B3GALT1: variants seen among roughly 807,000 people sequenced by gnomAD.
The protein encoded by B3GALT1 is UDP-Gal:betaGlcNAc beta 1,3-galactosyltransferase, polypeptide 1.
Under a neutral mutation model 23.2 loss-of-function variants are expected in B3GALT1, and 10 were observed. The ratio of observed to expected loss-of-function variants is 0.43; its 90% CI spans 0.27 to 0.73. The LOEUF is 0.73. B3GALT1 is among the 30% of genes least tolerant of loss of function. The pLI is 0.21. For synonymous variants in B3GALT1, 156 were observed against 141.5 expected, an observed-to-expected ratio of 1.10 and a Z score of -0.73; for missense variants, 299 against 405.4, an observed-to-expected ratio of 0.74 and a Z score of 2.25.
At chr2:167,823,739 C>CCAAA (rs1689156143) in intron 4 of B3GALT1, among the ~76,000 whole-genome samples, 1 of 152,190 alleles carries the variant, frequency 6.6e-6, no homozygotes, top group Non-Finnish European at 1.5e-5. Flanking sequence ...AGTGGGGGAA[C>CCAAA]CAAATATCCA....
intron 3 of B3GALT1, among the ~76,000 whole-genome samples, chr2:167,666,528 CT>C (rs1315211705): frequency 6.6e-6 from 1 of 151,372 alleles, no homozygotes; most frequent in African/African-American, 2.4e-5. Flanking sequence ...TCTTGTTGAT[CT>C]GTCTAATGTT....
At chr2:167,642,365 A>C (rs1283833624) in intron 2 of B3GALT1, among the ~76,000 whole-genome samples, 1 of 152,204 alleles carries the variant, frequency 6.6e-6, no homozygotes, top group African/African-American at 2.4e-5. Context: ...AAAAGTAAAA[A>C]TTTTGGACTA....
intron 4 of B3GALT1, among the ~76,000 whole-genome samples, chr2:167,826,825 G>A (rs191977610): frequency 2.0e-4 from 31 of 152,302 alleles, no homozygotes; most frequent in African/African-American, 7.5e-4. Context: ...CATTTACATT[G>A]TATTAGGTAT....
chr2:167,453,037 A>G (rs1574085529), intron 1 of B3GALT1, among the ~76,000 whole-genome samples: 2 of 152,238 alleles, frequency 1.3e-5, no homozygotes, highest in South Asian at 4.1e-4. Context: ...AATGCCAAGT[A>G]AAGTATATAT....
At chr2:167,522,336 T>C (rs1449096835) in intron 2 of B3GALT1, among the ~76,000 whole-genome samples, 2 of 152,150 alleles carry the variant, frequency 1.3e-5, no homozygotes, top group East Asian at 1.9e-4. Context: ...GGTTTGCCTC[T>C]TCTTCTCCCA....
chr2:167,698,047 T>C (rs1285495745), intron 3 of B3GALT1, among the ~76,000 whole-genome samples: 3 of 152,234 alleles, frequency 2.0e-5, no homozygotes, highest in Non-Finnish European at 4.4e-5. Context: ...ACTTCATAAC[T>C]GTGAATTTTA....
At chr2:167,654,018 G>C (rs1685910270) in intron 3 of B3GALT1, among the ~76,000 whole-genome samples, 1 of 152,178 alleles carries the variant, frequency 6.6e-6, no homozygotes, top group Non-Finnish European at 1.5e-5. Flanking sequence ...TGCCAACCTG[G>C]CTACCTGAAT....
intron 2 of B3GALT1, among the ~76,000 whole-genome samples, chr2:167,579,374 TA>T (rs78065111): frequency 0.053 from 7,976 of 151,066 alleles, 526 homozygotes; most frequent in African/African-American, 0.15. Context: ...TTCTCAATTC[TA>T]ACTACACATT....
At chr2:167,762,513 C>T (rs1220839063) in intron 3 of B3GALT1, among the ~76,000 whole-genome samples, 3 of 149,034 alleles carry the variant, frequency 2.0e-5, no homozygotes, top group African/African-American at 7.4e-5. Flanking sequence ...CCTTAGGAGT[C>T]TTAAGATACC....
intron 4 of B3GALT1, among the ~76,000 whole-genome samples, chr2:167,867,174 C>T (rs549024928): frequency 6.6e-6 from 1 of 152,212 alleles, no homozygotes; most frequent in Non-Finnish European, 1.5e-5. Flanking sequence ...GATCCGCCCC[C>T]CTTGGCCTCC....
chr2:167,353,569 A>G (rs1451085577), intron 1 of B3GALT1, among the ~76,000 whole-genome samples: 1 of 152,116 alleles, frequency 6.6e-6, no homozygotes, highest in East Asian at 1.9e-4. Flanking sequence ...TATTTATTCA[A>G]TGTATATACA....
chr2:167,458,130 C>G (rs1350829167), intron 1 of B3GALT1, among the ~76,000 whole-genome samples: 1 of 152,146 alleles, frequency 6.6e-6, no homozygotes, highest in Admixed American at 6.6e-5. Context: ...ATTTCCCCTT[C>G]TCCTCAGCCC....
intron 3 of B3GALT1, among the ~76,000 whole-genome samples, chr2:167,689,704 C>CAT (rs1686679557): frequency 6.6e-6 from 1 of 152,034 alleles, no homozygotes; most frequent in African/African-American, 2.4e-5. Context: ...GCGAGACAGG[C>CAT]ATATGATCAC....
intron 3 of B3GALT1, among the ~76,000 whole-genome samples, chr2:167,806,211 G>C (rs1045810671): frequency 6.6e-6 from 1 of 152,198 alleles, no homozygotes; most frequent in South Asian, 2.1e-4. Context: ...TTGCCCATCA[G>C]CTTAAGGAGA....
Position 167,309,174 on chromosome 2 carries a change from G to C in B3GALT1, c.-511+15840G>C, listed in dbSNP as rs143036911. 5.7e-3 allele frequency among the ~76,000 whole-genome samples: 870 copies of C among 152,012 alleles called. 8 individuals carry two copies. The highest frequency in any genetic ancestry group is 0.023 in the South Asian group (112 of 4,822). On this transcript the variant is annotated intron_variant, in intron 1 of 4. Coordinates refer to ENST00000392690, the MANE Select transcript of B3GALT1 (RefSeq NM_020981.4). ...CAGCAGAGACTGTTAAAAGTAACTT[G>C]GTCTATATTTGGTGCTAGATGCTCT...
At chr2:167,681,349 C>T (rs1485266467) in intron 3 of B3GALT1, among the ~76,000 whole-genome samples, 2 of 151,966 alleles carry the variant, frequency 1.3e-5, no homozygotes, top group Non-Finnish European at 2.9e-5. Flanking sequence ...CTGTGAAATA[C>T]CTCCCCATCC....
rs141116026 is a variant in B3GALT1 at position 167,588,107 on chromosome 2, C to T, written c.-409-58802C>T. Among the ~76,000 whole-genome samples, 604 of 152,262 alleles carry T rather than the reference C, an allele frequency of 4.0e-3. 1 individual carries two copies. The highest frequency in any genetic ancestry group is 0.017 in the Middle Eastern group (5 of 294). On this transcript the variant is annotated intron_variant, in intron 2 of 4. Transcript: ENST00000392690. ...TTTAAACAGGTGTTGCTCTTCTTGG[C>T]TGCCGTGTATGAAATGTGTTCAGGA... is the stretch of plus-strand genomic sequence containing the variant.
chr2:167,769,639 A>G (rs1688038300), intron 3 of B3GALT1, among the ~76,000 whole-genome samples: 1 of 152,180 alleles, frequency 6.6e-6, no homozygotes, highest in South Asian at 2.1e-4. Flanking sequence ...TTTCCAGAAT[A>G]TCATATAAAT....
intron 2 of B3GALT1, among the ~76,000 whole-genome samples, chr2:167,569,802 G>A (rs59176503): frequency 0.01 from 1,556 of 151,956 alleles, 22 homozygotes; most frequent in African/African-American, 0.035. Flanking sequence ...TAAGGTTTAT[G>A]TAGATATTCT....
Sources: gnomAD v4.1 joint callset for allele counts (sites outside exome capture counted in the v4.1 genomes callset) on GRCh38, gnomAD v4.1.1 for gene constraint, MANE v1.5 for transcripts, NCBI Gene and HGNC (gene_info 2026-07-23, HGNC 2026-07-21) for gene names.